Variants in SYNPR observed in about 807,000 individuals in gnomAD.
The protein encoded by SYNPR is synaptoporin.
In SYNPR, 23 loss-of-function variants were observed where a neutral mutation model predicts 32.9. The ratio of observed to expected loss-of-function variants is 0.70; its 90% confidence interval spans 0.50 to 0.99. The LOEUF is 0.99. Ranked by LOEUF, SYNPR falls within the 50% of genes least tolerant of loss-of-function variation. The pLI is 0.00. For synonymous variants in SYNPR, 146 were observed against 135.9 expected (o/e 1.07, Z -0.52); for missense variants, 318 against 349.3 (o/e 0.91, Z 0.71).
At chr3:63,349,216 C>CCTCA (rs1341616644) in intron 2 of SYNPR, among the ~76,000 whole-genome samples, 16 of 152,062 alleles carry the variant, frequency 1.1e-4, no homozygotes, top group Admixed American at 9.8e-4. Flanking sequence ...AATTATCCTG[C>CCTCA]CTCAGCCTCC....
chr3:63,358,348 C>T (rs1329100212), intron 2 of SYNPR, among the ~76,000 whole-genome samples: 1 of 152,212 alleles, frequency 6.6e-6, no homozygotes, highest in African/African-American at 2.4e-5. Flanking sequence ...GCTGCCTGCA[C>T]TTCTTGGCTC....
chr3:63,588,863 T>G (rs1211102992), intron 4 of SYNPR, among the ~76,000 whole-genome samples: 3 of 152,046 alleles, frequency 2.0e-5, no homozygotes, highest in African/African-American at 4.8e-5. Context: ...CAAGCTTATC[T>G]TTCTAAGAGG....
upstream of SYNPR, among the ~76,000 whole-genome samples, chr3:63,225,725 C>G (rs1481017184): frequency 6.6e-6 from 1 of 152,048 alleles, no homozygotes; most frequent in Non-Finnish European, 1.5e-5. Context: ...AAAACAATTC[C>G]TATTGGACAT....
At chr3:63,522,188 G>A (rs534311366) in intron 3 of SYNPR, among the ~76,000 whole-genome samples, 8 of 152,262 alleles carry the variant, frequency 5.3e-5, no homozygotes, top group South Asian at 2.1e-4. Context: ...TGTTTGCTGC[G>A]GTTGTTATCA....
intron 2 of SYNPR, among the ~76,000 whole-genome samples, chr3:63,430,766 AT>A (rs138906458): frequency 1.7e-4 from 25 of 149,496 alleles, no homozygotes; most frequent in African/African-American, 4.2e-4. Flanking sequence ...GCTTAGCTCC[AT>A]TTTTTTTTTC....
At chr3:63,576,210 A>C (rs78377086) in intron 4 of SYNPR, among the ~76,000 whole-genome samples, 1 of 152,166 alleles carries the variant, frequency 6.6e-6, no homozygotes, top group African/African-American at 2.4e-5. Flanking sequence ...ACAACTTTGT[A>C]TGTGAGGTTG....
chr3:63,422,576 C>T (rs1405265611), intron 2 of SYNPR, among the ~76,000 whole-genome samples: 1 of 152,174 alleles, frequency 6.6e-6, no homozygotes, highest in East Asian at 1.9e-4. Context: ...GTTTGTTATA[C>T]ATCAGTTATG....
At chr3:63,370,665 G>A (rs1482155164) in intron 2 of SYNPR, among the ~76,000 whole-genome samples, 1 of 152,164 alleles carries the variant, frequency 6.6e-6, no homozygotes, top group African/African-American at 2.4e-5. Flanking sequence ...TTTCTAGATG[G>A]ATCTCTCAGC....
chr3:63,206,952 A>G, the SYNPR span, among the ~76,000 whole-genome samples: 3 of 152,190 alleles, frequency 2.0e-5, no homozygotes, highest in Admixed American at 2.0e-4. Flanking sequence ...TGCCTAAAGT[A>G]GAGAAAATGG....
At chr3:63,421,688 A>G (rs911077903) in intron 2 of SYNPR, among the ~76,000 whole-genome samples, 1 of 152,284 alleles carries the variant, frequency 6.6e-6, no homozygotes, top group East Asian at 1.9e-4. Context: ...TTACCCAGGC[A>G]CTCTGCTCAG....
intron 2 of SYNPR, among the ~76,000 whole-genome samples, chr3:63,398,394 A>G (rs755562787): frequency 2.4e-4 from 36 of 152,184 alleles, no homozygotes; most frequent in Non-Finnish European, 4.1e-4. Flanking sequence ...TGTCAAATAT[A>G]CATAGAGACC....
the SYNPR span, among the ~76,000 whole-genome samples, chr3:63,211,363 G>A: frequency 7.9e-5 from 12 of 152,254 alleles, no homozygotes; most frequent in South Asian, 6.2e-4. Context: ...CACCGTGCCC[G>A]GCCAAGACCT....
chr3:63,431,825 T>G (rs1242879071), intron 2 of SYNPR, among the ~76,000 whole-genome samples: 2 of 130,122 alleles, frequency 1.5e-5, no homozygotes, highest in Non-Finnish European at 3.2e-5. Context: ...AAAGTCATAG[T>G]TTCCCTTTTC....
chr3:63,268,235 G>A (rs1457286039), intron 3 of SYNPR, among the ~76,000 whole-genome samples: 1 of 152,214 alleles, frequency 6.6e-6, no homozygotes, highest in African/African-American at 2.4e-5. Context: ...GAAATCATTA[G>A]GTTATGTTGT....
At chr3:63,595,739 A>AAT (rs1391405952) in intron 4 of SYNPR, among the ~76,000 whole-genome samples, 1 of 44,066 alleles carries the variant, frequency 2.3e-5, no homozygotes, top group African/African-American at 2.3e-4. Flanking sequence ...ATATATATAT[A>AAT]TATATATATA....
At chr3:63,414,718 G>A (rs368113993) in intron 2 of SYNPR, among the ~76,000 whole-genome samples, 15 of 152,244 alleles carry the variant, frequency 9.9e-5, no homozygotes, top group Admixed American at 7.2e-4. Context: ...GAATATGTAA[G>A]TCTCATTACC....
intron 2 of SYNPR, among the ~76,000 whole-genome samples, chr3:63,395,756 G>A (rs1469884972): frequency 6.6e-6 from 1 of 151,984 alleles, no homozygotes; most frequent in Non-Finnish European, 1.5e-5. Context: ...AGCTATTTCA[G>A]TGTACGTAGC....
upstream of SYNPR, among the ~76,000 whole-genome samples, chr3:63,273,701 G>A (rs2086554139): frequency 6.6e-6 from 1 of 152,060 alleles, no homozygotes; most frequent in Admixed American, 6.6e-5. Flanking sequence ...TATATCAGTT[G>A]TATTTGTTAA....
intron 2 of SYNPR, among the ~76,000 whole-genome samples, chr3:63,476,113 G>GGAAGGAAGGAAGGAAGGAAGGAAGGAAA (rs1575663972): frequency 2.0e-4 from 5 of 24,724 alleles, no homozygotes; most frequent in Non-Finnish European, 3.7e-4. Flanking sequence ...GGAGGGGGGA[G>GGAAGGAAGGAAGGAAGGAAGGAAGGAAA]GAAGGAAGGA....
Sources: allele counts gnomAD v4.1 joint callset (sites outside exome capture counted in the v4.1 genomes callset), GRCh38; gene constraint gnomAD v4.1.1; transcripts MANE v1.5; gene names NCBI Gene and HGNC (gene_info 2026-07-23, HGNC 2026-07-21).